Variants in ANXA2 observed in about 807,000 individuals in gnomAD.
ANXA2 encodes the protein annexin A2.
In ANXA2, 28 loss-of-function variants were observed where a neutral mutation model predicts 47.3. The observed-to-expected ratio is 0.59, with a 90% CI of 0.44 to 0.81. The LOEUF is 0.81. ANXA2 is among the 40% of genes least tolerant of loss of function. The pLI, the probability that ANXA2 is intolerant of heterozygous loss-of-function variation, is 0.00. For missense variants in ANXA2, 384 were observed against 414.3 expected (o/e 0.93, Z 0.64); for synonymous variants, 172 against 155.5 (o/e 1.11, Z -0.79).
chr15:60,352,979 C>CT lies in ANXA2; in HGVS notation c.589-504dup, dbSNP rs941207267. Among the ~76,000 whole-genome samples, 10 of 152,066 alleles carry CT rather than the reference C, an allele frequency of 6.6e-5. No individual in the cohort carries two copies. Among genetic ancestry groups the CT allele is most frequent in the Non-Finnish European group, 1.5e-4 (10 of 68,010 alleles). ...GAAAATTTAGGGGCTACAAGTAGCC[C>CT]TAACAATGGCAGGGAGGGCAAGAGG... On this transcript the variant is annotated intron_variant, in intron 8 of 12. Coordinates refer to ENST00000451270, the MANE Select transcript of ANXA2 (RefSeq NM_004039.3). The surrounding 1 kb of genome is among the most constrained non-coding windows in gnomAD (Gnocchi z 4.2).
In ANXA2 at chr15:60,361,046, T is replaced by C. The variant is rs1389637453; in HGVS notation, c.252A>G (p.Ala84=). The change falls in exon 5 of 13, where the codon GCA becomes GCG. Residue 84 remains alanine, a synonymous_variant. Coordinates refer to ENST00000451270, the MANE Select transcript of ANXA2 (RefSeq NM_004039.3). The stretch of plus-strand genomic sequence containing the variant: ...CAGATAAGGCTGACTTCAGTGCTGA[T>C]GCAAGTTCCTTCAAGATAACAGGCA... The part of the protein sequence containing the change: ...AYQRRTKKEL[A]SALKSALSGH... The C allele has an allele frequency of 1.9e-6, 3 of 1,609,780 alleles. No homozygotes were observed. The highest frequency in any genetic ancestry group is 2.6e-6 in the Non-Finnish European group (3 of 1,176,092).
At chr15:60,391,699 A>G (rs2063013379) in intron 1 of ANXA2, among the ~76,000 whole-genome samples, 1 of 152,206 alleles carries the variant, frequency 6.6e-6, no homozygotes, top group Non-Finnish European at 1.5e-5. Flanking sequence ...ATAAAAAATA[A>G]AGCCTACATG....
At chr15:60,388,169 CAA>C (rs1308117094) in intron 1 of ANXA2, among the ~76,000 whole-genome samples, 1 of 150,086 alleles carries the variant, frequency 6.7e-6, no homozygotes, top group African/African-American at 2.5e-5. Flanking sequence ...GCCTGGGCAA[CAA>C]GAGCAAAACT....
At chr15:60,367,028 T>G (rs1218387854) in intron 3 of ANXA2, among the ~76,000 whole-genome samples, 10 of 32,394 alleles carry the variant, frequency 3.1e-4, no homozygotes, top group Admixed American at 3.5e-4. Flanking sequence ...AGGTGGGGGG[T>G]CAGCCCCCCG....
intron 1 of ANXA2, among the ~76,000 whole-genome samples, chr15:60,388,426 T>C (rs1370054484): frequency 1.3e-5 from 2 of 152,222 alleles, no homozygotes; most frequent in Non-Finnish European, 2.9e-5. Flanking sequence ...TTGCCCAGGC[T>C]GGTCTCGAAC....
At chr15:60,396,172 TC>T (rs910514028) in intron 1 of ANXA2, 7 of 152,154 alleles carry the variant, frequency 4.6e-5, no homozygotes, top group Admixed American at 1.3e-4. Context: ...ACTCAAGAGA[TC>T]CACTAGCTTG....
intron 7 of ANXA2, 140 bp from the exon 8 acceptor site, chr15:60,354,353 T>C (rs2062392672): frequency 4.0e-6 from 3 of 744,512 alleles, no homozygotes; most frequent in South Asian, 1.9e-5. Flanking sequence ...CTTTGAAACA[T>C]AGATGGGGCC....
chr15:60,379,734 T>C (rs1054746175), intron 3 of ANXA2, among the ~76,000 whole-genome samples: 1 of 152,186 alleles, frequency 6.6e-6, no homozygotes, highest in Middle Eastern at 3.2e-3. Flanking sequence ...ACAACGAGCA[T>C]TTTATAAATA....
intron 1 of ANXA2, chr15:60,390,314 C>A: frequency 9.6e-7 from 1 of 1,044,496 alleles, no homozygotes; most frequent in Non-Finnish European, 1.2e-6. Context: ...CAAACATTTT[C>A]ACCCTAGAAA....
chr15:60,395,724 CT>C (rs1466272010), intron 1 of ANXA2: 4 of 152,210 alleles, frequency 2.6e-5, no homozygotes, highest in Non-Finnish European at 5.9e-5. Flanking sequence ...GACTGAGCTC[CT>C]AATCAAAGTC....
intron 3 of ANXA2, among the ~76,000 whole-genome samples, chr15:60,368,982 CTCTT>C (rs141464039): frequency 0.01 from 1,569 of 152,254 alleles, 20 homozygotes; most frequent in African/African-American, 0.034. Context: ...ATAGCTATTT[CTCTT>C]TCTATTTCAT....
intron 3 of ANXA2, among the ~76,000 whole-genome samples, chr15:60,374,052 T>C (rs967569490): frequency 6.6e-6 from 1 of 152,176 alleles, no homozygotes; most frequent in Non-Finnish European, 1.5e-5. Context: ...GGGCACACAG[T>C]CTCAACTCGG....
chr15:60,385,517 G>C (rs2062921275), intron 2 of ANXA2: 1 of 152,456 alleles, frequency 6.6e-6, no homozygotes, highest in African/African-American at 2.4e-5. Context: ...AGTGAGCCGA[G>C]ATCACGCCAC....
chr15:60,372,934 C>T (rs1595689844), intron 3 of ANXA2, among the ~76,000 whole-genome samples: 1 of 152,030 alleles, frequency 6.6e-6, no homozygotes, highest in African/African-American at 2.4e-5. Flanking sequence ...GGATTACAGA[C>T]AAGAGCCACC....
At chr15:60,387,977 C>G (rs1057452197) in intron 1 of ANXA2, among the ~76,000 whole-genome samples, 4 of 152,062 alleles carry the variant, frequency 2.6e-5, no homozygotes, top group African/African-American at 7.2e-5. Flanking sequence ...ATCACGAGGT[C>G]AGGAGATAGA....
At chr15:60,375,366 A>G (rs981793582) in intron 3 of ANXA2, among the ~76,000 whole-genome samples, 10 of 152,196 alleles carry the variant, frequency 6.6e-5, no homozygotes, top group African/African-American at 2.4e-4. Context: ...GTACCAGTTT[A>G]TTGGCACTTA....
At chr15:60,377,950 T>C (rs62004985) in intron 3 of ANXA2, among the ~76,000 whole-genome samples, 31,620 of 151,812 alleles carry the variant, frequency 0.21, 3,658 homozygotes, top group Non-Finnish European at 0.25. Flanking sequence ...TAGCCAGGTG[T>C]GGTGGTGCAT....
In ANXA2 at chr15:60,355,909, G is replaced by A. The variant is rs1172546398; in HGVS notation, c.528+10C>T. 3 of 1,612,958 alleles carry A rather than the reference G, an allele frequency of 1.9e-6. No homozygotes were observed. Among genetic ancestry groups the A allele is most frequent in the South Asian group, 1.1e-5 (1 of 91,060 alleles). On this transcript the variant is annotated intron_variant, in intron 7 of 12. Transcript: ENST00000451270. The stretch of plus-strand genomic sequence containing the variant: ...GAAGCAAGGGCAAAGAAAGAAACTG[G>A]GAAACCAACCTTTGCCAGGGCAACC...
At chr15:60,376,048 C>T (rs2062772121) in intron 3 of ANXA2, among the ~76,000 whole-genome samples, 1 of 152,144 alleles carries the variant, frequency 6.6e-6, no homozygotes, top group Non-Finnish European at 1.5e-5. Context: ...TAGAAAGATA[C>T]TCTGTAAAGG....
Sources: gnomAD v4.1 joint callset for allele counts (sites outside exome capture counted in the v4.1 genomes callset) on GRCh38, gnomAD v4.1.1 for gene constraint, Gnocchi (gnomAD v3.1) non-coding constraint, MANE v1.5 for transcripts, NCBI Gene and HGNC (gene_info 2026-07-23, HGNC 2026-07-21) for gene names.